SFMBT2: variants seen among roughly 807,000 people sequenced by gnomAD.
SFMBT2 encodes the protein Scm like with four mbt domains 2.
Under a neutral mutation model 110.1 loss-of-function variants are expected in SFMBT2, and 38 were observed. The observed-to-expected ratio is 0.35, with a 90% CI of 0.27 to 0.45. SFMBT2 has a LOEUF of 0.45. SFMBT2 is among the 20% of genes least tolerant of loss of function. SFMBT2 has a pLI of 1.00. For synonymous variants in SFMBT2, 425 were observed against 425.4 expected (o/e 1.00, Z 0.01); for missense variants, 1,011 against 1,094.9 (o/e 0.92, Z 1.08).
At chr10:7,303,184 TCAATTA>T (rs1356539108) in intron 4 of SFMBT2, among the ~76,000 whole-genome samples, 2 of 152,224 alleles carry the variant, frequency 1.3e-5, no homozygotes, top group Admixed American at 1.3e-4. Context: ...TCTTCTTCTA[TCAATTA>T]CCTGAGATCA....
chr10:7,362,539 A>G (rs1564458674), intron 4 of SFMBT2, among the ~76,000 whole-genome samples: 1 of 152,230 alleles, frequency 6.6e-6, no homozygotes, highest in South Asian at 2.1e-4. Flanking sequence ...GGACAATCCC[A>G]AAGTGTCCTC....
chr10:7,392,122 C>A (rs1241396778), intron 1 of SFMBT2, among the ~76,000 whole-genome samples: 1 of 152,118 alleles, frequency 6.6e-6, no homozygotes, highest in Non-Finnish European at 1.5e-5. Flanking sequence ...GCTCATGACC[C>A]CCCTGAAAAC....
chr10:7,182,114 T>C (rs1838261256), intron 16 of SFMBT2, among the ~76,000 whole-genome samples: 1 of 152,314 alleles, frequency 6.6e-6, no homozygotes, highest in African/African-American at 2.4e-5. Flanking sequence ...CTTGGCTCAC[T>C]GCAACCTCCA....
intron 1 of SFMBT2, among the ~76,000 whole-genome samples, chr10:7,407,489 C>T (rs1193565582): frequency 6.6e-6 from 1 of 152,052 alleles, no homozygotes; most frequent in Non-Finnish European, 1.5e-5. Flanking sequence ...GGATCAGCCG[C>T]GGCTGTGCTG....
At chr10:7,243,322 C>T (rs1476796873) in intron 9 of SFMBT2, among the ~76,000 whole-genome samples, 10 of 152,262 alleles carry the variant, frequency 6.6e-5, no homozygotes, top group East Asian at 3.9e-4. Context: ...GCCAATAATG[C>T]GGTAACGGAT....
At chr10:7,271,134 A>G (rs976691190) in intron 7 of SFMBT2, among the ~76,000 whole-genome samples, 1 of 151,842 alleles carries the variant, frequency 6.6e-6, no homozygotes, top group Non-Finnish European at 1.5e-5. Flanking sequence ...AAAATACAAA[A>G]AACATTAGCT....
At chr10:7,366,269 G>A (rs11255090) in intron 4 of SFMBT2, among the ~76,000 whole-genome samples, 7,457 of 152,032 alleles carry the variant, frequency 0.049, 605 homozygotes, top group African/African-American at 0.17. Context: ...GTCAGCTAAC[G>A]CCATGGCAAT....
intron 7 of SFMBT2, among the ~76,000 whole-genome samples, chr10:7,274,118 G>A (rs575643108): frequency 6.6e-6 from 1 of 152,288 alleles, no homozygotes; most frequent in Non-Finnish European, 1.5e-5. Context: ...ATTTCTAAGG[G>A]ATGTGACCTC....
At chr10:7,216,931 T>C (rs2131639920) in intron 11 of SFMBT2, among the ~76,000 whole-genome samples, 1 of 152,188 alleles carries the variant, frequency 6.6e-6, no homozygotes, top group East Asian at 1.9e-4. Flanking sequence ...CAGTCCTCCA[T>C]TAACAACAAG....
At chr10:7,169,181 G>C (rs1227734609) in intron 20 of SFMBT2, among the ~76,000 whole-genome samples, 1 of 151,994 alleles carries the variant, frequency 6.6e-6, no homozygotes, top group Non-Finnish European at 1.5e-5. Flanking sequence ...GGCCAGGCTG[G>C]TCTCGAACTC....
intron 4 of SFMBT2, among the ~76,000 whole-genome samples, chr10:7,315,041 A>G (rs1458866620): frequency 1.3e-5 from 1 of 76,538 alleles, no homozygotes; most frequent in African/African-American, 4.4e-5. Flanking sequence ...AAAGAAAGAG[A>G]AAGAAAGAAA....
intron 6 of SFMBT2, chr10:7,277,302 G>A (rs1841812908): frequency 5.6e-6 from 1 of 177,430 alleles, no homozygotes; most frequent in South Asian, 1.9e-4. Context: ...AAAACCTTCA[G>A]TCATCCATGG....
At chr10:7,356,194 A>G (rs1343141242) in intron 4 of SFMBT2, among the ~76,000 whole-genome samples, 3 of 152,194 alleles carry the variant, frequency 2.0e-5, no homozygotes, top group Non-Finnish European at 4.4e-5. Flanking sequence ...TTGTCTGTGC[A>G]TGTGATTCTC....
intron 4 of SFMBT2, among the ~76,000 whole-genome samples, chr10:7,319,912 G>C: frequency 6.6e-6 from 1 of 150,636 alleles, no homozygotes; most frequent in African/African-American, 2.4e-5. Flanking sequence ...GAGACTAAGA[G>C]AGAGAGACAG....
rs143087748 is a variant in SFMBT2 at position 7,334,473 on chromosome 10, G to A, written c.436+33176C>T. ...ACCAAAATGGAACAATACAGGAAACGAGAAGTGTCATTAAACGGGGACTAG... is the reference window on the plus strand; with the variant it reads ...ACCAAAATGGAACAATACAGGAAACAAGAAGTGTCATTAAACGGGGACTAG... On this transcript the variant is annotated intron_variant, in intron 4 of 20. Coordinates refer to ENST00000397167, the MANE Select transcript of SFMBT2 (RefSeq NM_001387889.1). Among the ~76,000 whole-genome samples, 765 of 152,296 alleles carry A rather than the reference G, an allele frequency of 5.0e-3. 12 individuals are homozygous for A. The highest frequency in any genetic ancestry group is 0.018 in the African/African-American group (730 of 41,554).
intron 17 of SFMBT2, among the ~76,000 whole-genome samples, chr10:7,173,897 C>T (rs1168392751): frequency 2.6e-5 from 4 of 152,178 alleles, no homozygotes; most frequent in African/African-American, 9.7e-5. Context: ...GAGTCGTGGG[C>T]TTTGTCCTAC....
intron 1 of SFMBT2, among the ~76,000 whole-genome samples, chr10:7,384,447 G>A (rs910698723): frequency 1.1e-4 from 17 of 150,844 alleles, no homozygotes; most frequent in African/African-American, 3.2e-4. Context: ...AGTTTGCTTC[G>A]TTCATAATGA....
At chr10:7,164,764 CACACACACACACACACACACACACACA>C (rs1564361562) in intron 20 of SFMBT2, among the ~76,000 whole-genome samples, 1 of 150,798 alleles carries the variant, frequency 6.6e-6, no homozygotes, top group East Asian at 2.0e-4. Flanking sequence ...CACACACACA[CACACACACACACACACACACACACACA>C]CCATTTACAG....
chr10:7,405,761 C>T lies in SFMBT2; in HGVS notation c.-52+5100G>A, dbSNP rs551266741. Among the ~76,000 whole-genome samples, 161 of 151,896 alleles carry T rather than the reference C, an allele frequency of 1.1e-3. 1 individual carries two copies. Among genetic ancestry groups the T allele is most frequent in the African/African-American group, 3.7e-3 (155 of 41,396 alleles). On this transcript the variant is annotated intron_variant, in intron 1 of 20. Transcript: ENST00000397167. ...AGGAGGTTGAGGCTGAGAAAGATGA[C>T]TCACTTGTCCCAGATCCCACAGCTG...
Sources: gnomAD v4.1 joint callset for allele counts (sites outside exome capture counted in the v4.1 genomes callset) on GRCh38, gnomAD v4.1.1 for gene constraint, MANE v1.5 for transcripts, NCBI Gene and HGNC (gene_info 2026-07-23, HGNC 2026-07-21) for gene names.